FHIT: variants seen among roughly 807,000 people sequenced by gnomAD.
The protein encoded by FHIT is bis(5'-adenosyl)-triphosphatase.
FHIT carries 19 observed loss-of-function variants against 17.9 expected under a neutral mutation model. That is an observed-to-expected ratio of 1.06 (90% CI 0.74 to 1.56). FHIT has a LOEUF of 1.56. FHIT is among the 40% of genes most tolerant of loss of function. The probability of loss-of-function intolerance (pLI) is 0.00; values close to 1 mark genes in which losing one functional copy is unlikely to be tolerated. For missense variants in FHIT, 248 were observed against 189.2 expected, an observed-to-expected ratio of 1.31 and a Z score of -1.82; for synonymous variants, 81 against 69.7, an observed-to-expected ratio of 1.16 and a Z score of -0.81.
chr3:60,547,764 AT>A (rs2036415998), intron 4 of FHIT, among the ~76,000 whole-genome samples: 1 of 152,068 alleles, frequency 6.6e-6, no homozygotes, highest in African/African-American at 2.4e-5. Flanking sequence ...GATCTCTACT[AT>A]CCTTTTGTGT....
chr3:60,823,820 A>ATG (rs1467787932), intron 3 of FHIT, among the ~76,000 whole-genome samples: 1 of 152,162 alleles, frequency 6.6e-6, no homozygotes, highest in Non-Finnish European at 1.5e-5. Context: ...TGAAAAGGTA[A>ATG]TGTCTCAGGG....
At chr3:60,093,738 C>T (rs917823943) in intron 5 of FHIT, among the ~76,000 whole-genome samples, 1 of 152,132 alleles carries the variant, frequency 6.6e-6, no homozygotes, top group African/African-American at 2.4e-5. Context: ...AGAATGCGGG[C>T]TCCTTATGAG....
chr3:60,290,801 A>G (rs1303978444), intron 5 of FHIT, among the ~76,000 whole-genome samples: 1 of 152,056 alleles, frequency 6.6e-6, no homozygotes, highest in Non-Finnish European at 1.5e-5. Flanking sequence ...ACTGAAATTA[A>G]CAGAGATCTG....
chr3:60,746,766 A>G (rs1451392175), intron 4 of FHIT, among the ~76,000 whole-genome samples: 2 of 152,128 alleles, frequency 1.3e-5, no homozygotes, highest in African/African-American at 4.8e-5. Context: ...GTAGGGGCTG[A>G]GGGTTGTTTG....
chr3:60,789,098 T>G, intron 4 of FHIT, among the ~76,000 whole-genome samples: 1 of 145,218 alleles, frequency 6.9e-6, no homozygotes. Context: ...GAGATGAGAG[T>G]TGAATATCTA....
At chr3:60,596,921 G>C (rs1284702567) in intron 4 of FHIT, among the ~76,000 whole-genome samples, 1 of 152,006 alleles carries the variant, frequency 6.6e-6, no homozygotes, top group Middle Eastern at 3.2e-3. Context: ...TTTGATTTCA[G>C]ATATTTTAGT....
At chr3:60,600,322 T>A (rs2038401578) in intron 4 of FHIT, among the ~76,000 whole-genome samples, 1 of 149,414 alleles carries the variant, frequency 6.7e-6, no homozygotes, top group East Asian at 2.0e-4. Flanking sequence ...GCCTACTTGA[T>A]TAAAAAAAAA....
chr3:60,161,796 G>A (rs1425400576), intron 5 of FHIT, among the ~76,000 whole-genome samples: 1 of 152,138 alleles, frequency 6.6e-6, no homozygotes, highest in Non-Finnish European at 1.5e-5. Flanking sequence ...AGCATATGGA[G>A]ACACACAAAG....
chr3:60,307,937 C>T (rs1210054286), intron 5 of FHIT, among the ~76,000 whole-genome samples: 1 of 152,112 alleles, frequency 6.6e-6, no homozygotes, highest in Admixed American at 6.5e-5. Context: ...CCAACATTTA[C>T]CAAGGGATCA....
At position 60,572,937 on chromosome 3, in the gene FHIT, C is replaced by T. The variant is rs73834238; in HGVS notation, c.-17-35958G>A. On this transcript the variant is annotated intron_variant, in intron 4 of 9. Transcript: ENST00000492590. The stretch of plus-strand genomic sequence containing the variant: ...GCTAAATGCTCAACATACAGCATTT[C>T]GTTTCATCCTCTTGATGTCCCTACA... 3.8e-3 allele frequency among the ~76,000 whole-genome samples: 579 copies of T among 152,250 alleles called. 7 individuals are homozygous for T. The highest frequency in any genetic ancestry group is 0.014 in the African/African-American group (562 of 41,552).
intron 5 of FHIT, among the ~76,000 whole-genome samples, chr3:60,356,753 C>CAAAAAAAAAAAAAAAAAAAAAAA (rs57588436): frequency 1.2e-4 from 7 of 58,682 alleles, no homozygotes; most frequent in Admixed American, 2.0e-4. Flanking sequence ...AAGACAGAGA[C>CAAAAAAAAAAAAAAAAAAAAAAA]AAAAAAAAAA....
chr3:59,906,908 G>T (rs1234093600), intron 8 of FHIT, among the ~76,000 whole-genome samples: 2 of 152,186 alleles, frequency 1.3e-5, no homozygotes, highest in Non-Finnish European at 2.9e-5. Flanking sequence ...AAAGTCAGCT[G>T]CAGTGTCAAT....
At chr3:60,393,232 A>T (rs758709733) in intron 5 of FHIT, among the ~76,000 whole-genome samples, 1 of 152,116 alleles carries the variant, frequency 6.6e-6, no homozygotes, top group African/African-American at 2.4e-5. Flanking sequence ...ATTGCTTACA[A>T]AAGCATCTTA....
intron 2 of FHIT, among the ~76,000 whole-genome samples, chr3:61,115,145 A>C (rs935867988): frequency 2.6e-5 from 4 of 152,136 alleles, no homozygotes; most frequent in Non-Finnish European, 4.4e-5. Context: ...GAAAAAGAAG[A>C]CTTGATTTTA....
intron 7 of FHIT, among the ~76,000 whole-genome samples, chr3:59,961,529 G>A (rs1559501081): frequency 6.6e-6 from 1 of 152,138 alleles, no homozygotes; most frequent in African/African-American, 2.4e-5. Flanking sequence ...TGAAATCCAG[G>A]ACCCCACTGG....
intron 7 of FHIT, among the ~76,000 whole-genome samples, chr3:59,937,361 T>C (rs1197061966): frequency 2.0e-5 from 3 of 152,144 alleles, no homozygotes; most frequent in Non-Finnish European, 2.9e-5. Flanking sequence ...ATACAGATAG[T>C]CAGCCTCTGC....
intron 8 of FHIT, among the ~76,000 whole-genome samples, chr3:59,816,644 G>A (rs1223727288): frequency 1.3e-5 from 2 of 152,114 alleles, no homozygotes; most frequent in Admixed American, 6.6e-5. Context: ...TAGGAGCAGA[G>A]ACAATCAAGT....
At chr3:60,293,492 A>C (rs1013731630) in intron 5 of FHIT, among the ~76,000 whole-genome samples, 46 of 152,176 alleles carry the variant, frequency 3.0e-4, no homozygotes, top group African/African-American at 1.1e-3. Context: ...CTCTGCCAGC[A>C]AACAACGTTT....
intron 7 of FHIT, among the ~76,000 whole-genome samples, chr3:59,956,522 G>A (rs1346319912): frequency 6.6e-6 from 1 of 152,088 alleles, no homozygotes; most frequent in Non-Finnish European, 1.5e-5. Context: ...ACAAACATTA[G>A]CTGGGCTTGG....
Sources: allele counts gnomAD v4.1 joint callset (sites outside exome capture counted in the v4.1 genomes callset), GRCh38; gene constraint gnomAD v4.1.1; transcripts MANE v1.5; gene names NCBI Gene and HGNC (gene_info 2026-07-23, HGNC 2026-07-21).